The following ABHD3 variants were observed in gnomAD, a reference collection of about 807,000 sequenced individuals.
The protein encoded by ABHD3 is phospholipase ABHD3.
A neutral mutation model predicts 48.8 loss-of-function variants in ABHD3; 46 were observed. The observed-to-expected ratio is 0.94, with a 90% CI of 0.74 to 1.20. The LOEUF is 1.20. Ranked by LOEUF, ABHD3 falls within the 50% of genes most tolerant of loss-of-function variation. The probability of loss-of-function intolerance (pLI) is 0.00; values close to 1 mark genes in which losing one functional copy is unlikely to be tolerated. For synonymous variants in ABHD3, 192 were observed against 183.7 expected, an observed-to-expected ratio of 1.04 and a Z score of -0.36; for missense variants, 490 against 497.8, an observed-to-expected ratio of 0.98 and a Z score of 0.15.
At chr18:21,691,366 A>C (rs1028672517) in intron 3 of ABHD3, among the ~76,000 whole-genome samples, 8 of 152,246 alleles carry the variant, frequency 5.3e-5, no homozygotes, top group African/African-American at 1.9e-4. Context: ...AGTGAGCTAT[A>C]GTCTGAAAAA....
intron 4 of ABHD3, among the ~76,000 whole-genome samples, chr18:21,673,238 G>A (rs1414090756): frequency 6.6e-6 from 1 of 152,144 alleles, no homozygotes; most frequent in Non-Finnish European, 1.5e-5. Context: ...ATAAATTACA[G>A]ATACCTGGAC....
chr18:21,674,801 G>A (rs1184136209), intron 4 of ABHD3, among the ~76,000 whole-genome samples: 2 of 152,240 alleles, frequency 1.3e-5, no homozygotes, highest in East Asian at 1.9e-4. Context: ...GAAGGTAGAA[G>A]TTTGAAACTG....
intron 4 of ABHD3, among the ~76,000 whole-genome samples, chr18:21,676,870 T>C (rs529206936): frequency 6.6e-6 from 1 of 152,234 alleles, no homozygotes; most frequent in South Asian, 2.1e-4. Flanking sequence ...TAACTTGAAC[T>C]AGAAAGCACC....
intron 5 of ABHD3, chr18:21,663,728 G>C: frequency 2.0e-6 from 3 of 1,535,580 alleles, no homozygotes; most frequent in South Asian, 1.2e-5. Context: ...AGCAATAAGT[G>C]ATTATTTCTG....
At chr18:21,660,612 T>G (rs998242192) in intron 5 of ABHD3, among the ~76,000 whole-genome samples, 1 of 152,214 alleles carries the variant, frequency 6.6e-6, no homozygotes, top group African/African-American at 2.4e-5. Context: ...TGTACTTGAT[T>G]TCTTCAATTG....
At chr18:21,694,522 A>G (rs1451680802) in intron 3 of ABHD3, among the ~76,000 whole-genome samples, 1 of 152,238 alleles carries the variant, frequency 6.6e-6, no homozygotes, top group East Asian at 1.9e-4. Context: ...ATGAAGAATA[A>G]GAGATCCTAA....
intron 3 of ABHD3, among the ~76,000 whole-genome samples, chr18:21,693,460 G>T (rs1199963383): frequency 6.6e-6 from 1 of 152,184 alleles, no homozygotes; most frequent in Non-Finnish European, 1.5e-5. Context: ...CACTACCTAA[G>T]CTGTAACACT....
intron 5 of ABHD3, 109 bp from the exon 6 acceptor site, chr18:21,659,452 T>C: frequency 1.8e-6 from 2 of 1,087,756 alleles, no homozygotes; most frequent in South Asian, 1.6e-5. Flanking sequence ...AAATATAAAC[T>C]AGTGTTTAAG....
rs141074844 is a variant in ABHD3 at position 21,651,771 on chromosome 18, C to T, written c.1058-8G>A. ...CAGTTTCTATTGGAATAGCTTCAGACCAAAAAAAACATGGCAATAAGAGAG... is the reference window on the plus strand; with the variant it reads ...CAGTTTCTATTGGAATAGCTTCAGATCAAAAAAAACATGGCAATAAGAGAG... On this transcript the variant is annotated splice_polypyrimidine_tract_variant and splice_region_variant and intron_variant, in intron 8 of 8. Coordinates refer to ENST00000289119, the MANE Select transcript of ABHD3 (RefSeq NM_138340.5). 3.0e-5 allele frequency: 44 copies of T among 1,486,580 alleles called. 1 individual carries two copies. The highest frequency in any genetic ancestry group is 2.7e-6 in the Non-Finnish European group (3 of 1,115,026). 92.1% of individuals were successfully genotyped at this position (1,486,580 alleles called of 1,614,324 possible). A position where few individuals can be genotyped will look rare whatever the true frequency, so the allele number is the denominator to read the frequency against.
intron 3 of ABHD3, among the ~76,000 whole-genome samples, chr18:21,687,382 G>C (rs1325996995): frequency 8.0e-6 from 1 of 124,840 alleles, no homozygotes; most frequent in African/African-American, 4.6e-5. Flanking sequence ...CTAATTTTTT[G>C]TATTTTTTTT....
At chr18:21,660,304 T>C (rs1312491297) in intron 5 of ABHD3, among the ~76,000 whole-genome samples, 1 of 151,932 alleles carries the variant, frequency 6.6e-6, no homozygotes, top group Non-Finnish European at 1.5e-5. Flanking sequence ...CCAAGGATCC[T>C]TGCACCCTGT....
Position 21,703,903 on chromosome 18 carries a change from T to G in ABHD3, c.163-156A>C. 8.2e-6 allele frequency: 6 copies of G among 733,746 alleles called. No individual in the cohort carries two copies. In the Admixed American group the frequency reaches 1.1e-4, roughly 14 times the overall value. The allele number at this position is 733,746 out of a possible 1,614,324, so 45.5% of individuals were successfully genotyped here. A position where few individuals can be genotyped will look rare whatever the true frequency, so the allele number is the denominator to read the frequency against. ...CAAAAAATTCACAGTCACAGAGGAC[T>G]GAAACGGGGGTTTCGCCAATGCCCC... On this transcript the variant is annotated intron_variant, in intron 1 of 8. Coordinates refer to ENST00000289119, the MANE Select transcript of ABHD3 (RefSeq NM_138340.5).
intron 3 of ABHD3, among the ~76,000 whole-genome samples, chr18:21,689,697 G>A (rs1351576155): frequency 6.6e-6 from 1 of 151,746 alleles, no homozygotes; most frequent in Non-Finnish European, 1.5e-5. Flanking sequence ...AGTAAATTCT[G>A]ACTAAAAGCT....
At chr18:21,691,178 G>C (rs1333926220) in intron 3 of ABHD3, among the ~76,000 whole-genome samples, 1 of 152,032 alleles carries the variant, frequency 6.6e-6, no homozygotes, top group Non-Finnish European at 1.5e-5. Context: ...TTCATGACAA[G>C]AGGTCAAGAA....
chr18:21,700,370 G>A (rs1158106318), intron 3 of ABHD3, among the ~76,000 whole-genome samples: 2 of 151,812 alleles, frequency 1.3e-5, no homozygotes, highest in African/African-American at 2.4e-5. Context: ...GATTACAGGC[G>A]TGAGCCACTG....
At chr18:21,689,407 T>C (rs1176871002) in intron 3 of ABHD3, among the ~76,000 whole-genome samples, 1 of 151,544 alleles carries the variant, frequency 6.6e-6, no homozygotes, top group African/African-American at 2.4e-5. Flanking sequence ...AAATTAGCCA[T>C]GCGTGGTGGC....
chr18:21,658,321 A>T (rs1383086970), intron 6 of ABHD3, among the ~76,000 whole-genome samples: 2 of 152,210 alleles, frequency 1.3e-5, no homozygotes, highest in Non-Finnish European at 2.9e-5. Context: ...ATCTAAGTGA[A>T]CTGCATTCTC....
intron 3 of ABHD3, among the ~76,000 whole-genome samples, chr18:21,693,208 T>C (rs913286992): frequency 6.6e-6 from 1 of 152,216 alleles, no homozygotes; most frequent in Non-Finnish European, 1.5e-5. Flanking sequence ...TCTTAAGGTT[T>C]CATAGCTAAC....
rs765956382 is a variant in ABHD3, at chr18:21,683,963, C to T, written c.512G>A (p.Cys171Tyr). 9 of 1,595,292 alleles carry T rather than the reference C, an allele frequency of 5.6e-6. No individual in the cohort carries two copies. The highest frequency in any genetic ancestry group is 1.1e-5 in the South Asian group (1 of 87,572). The change falls in exon 4 of 9, where the codon TGT (cysteine) becomes TAT (tyrosine). Residue 171 changes from cysteine to tyrosine, a missense_variant and splice_region_variant. Cys to Tyr is a radical substitution (Grantham distance 194). Coordinates refer to ENST00000289119, the MANE Select transcript of ABHD3 (RefSeq NM_138340.5). ...CACTCCTCTGTTGTTAAAAACCACA[C>T]ATCTAAAAACCAGGAAAGCAATTTT... ...IHLSEELGYR[C>Y]VVFNNRGVAG...
Sources: gnomAD v4.1 joint callset for allele counts (sites outside exome capture counted in the v4.1 genomes callset) on GRCh38, gnomAD v4.1.1 for gene constraint, MANE v1.5 for transcripts, NCBI Gene and HGNC (gene_info 2026-07-23, HGNC 2026-07-21) for gene names.